Variants in CNTNAP2 observed in about 807,000 individuals in gnomAD.
The protein encoded by CNTNAP2 is contactin associated protein 2, also known as contactin-associated protein-like 2.
In CNTNAP2, 98 loss-of-function variants were observed where a neutral mutation model predicts 155.2. The ratio of observed to expected loss-of-function variants is 0.63; its 90% confidence interval spans 0.54 to 0.75. The LOEUF (loss-of-function observed/expected upper bound fraction) is 0.75. Ranked by LOEUF, CNTNAP2 falls within the 30% of genes least tolerant of loss-of-function variation. CNTNAP2 has a pLI of 0.00. For synonymous variants in CNTNAP2, 651 were observed against 631.2 expected (o/e 1.03, Z -0.47); for missense variants, 1,727 against 1,688.1 (o/e 1.02, Z -0.40).
intron 13 of CNTNAP2, among the ~76,000 whole-genome samples, chr7:147,715,242 T>C (rs982101583): frequency 3.9e-5 from 6 of 152,126 alleles, no homozygotes; most frequent in Admixed American, 1.3e-4. Flanking sequence ...ATTTTTATTT[T>C]AAAAGAAACT....
intron 8 of CNTNAP2, among the ~76,000 whole-genome samples, chr7:147,289,494 G>A (rs1805255577): frequency 6.6e-6 from 1 of 151,938 alleles, no homozygotes; most frequent in African/African-American, 2.4e-5. Flanking sequence ...AAGAAAGAAA[G>A]GAAAGAAGGA....
Position 147,403,102 on chromosome 7 carries a change from C to G in CNTNAP2, c.1670+7322C>G, listed in dbSNP as rs150480790. 4.4e-3 allele frequency among the ~76,000 whole-genome samples: 669 copies of G among 152,312 alleles called. 5 individuals are homozygous for G. Among genetic ancestry groups the G allele is most frequent in the African/African-American group, 0.015 (621 of 41,578 alleles). The stretch of plus-strand genomic sequence containing the variant: ...GAAGACTGCTACCTGGAGGCTTCAT[C>G]TGGATGATCAAAGTTGGGTCCCCAT... On this transcript the variant is annotated intron_variant, in intron 10 of 23. Coordinates refer to ENST00000361727, the MANE Select transcript of CNTNAP2 (RefSeq NM_014141.6).
intron 21 of CNTNAP2, among the ~76,000 whole-genome samples, chr7:148,329,414 T>C (rs1259377961): frequency 1.3e-5 from 2 of 152,116 alleles, no homozygotes; most frequent in Non-Finnish European, 2.9e-5. Context: ...CAGCCCCCTG[T>C]GGACAAGGCA....
intron 2 of CNTNAP2, among the ~76,000 whole-genome samples, chr7:146,804,399 G>T (rs1320930659): frequency 6.6e-6 from 1 of 152,036 alleles, no homozygotes; most frequent in African/African-American, 2.4e-5. Flanking sequence ...AATGTTTCTT[G>T]CTAAACTCTG....
At chr7:147,400,861 A>G (rs1292147642) in intron 10 of CNTNAP2, among the ~76,000 whole-genome samples, 2 of 152,238 alleles carry the variant, frequency 1.3e-5, no homozygotes, top group Non-Finnish European at 2.9e-5. Context: ...ACTATCACTT[A>G]TCTAAGTAAT....
rs78674459 is a variant in CNTNAP2, at chr7:146,615,143, C to A, written c.98-159128C>A. Among the ~76,000 whole-genome samples, 155 of 152,256 alleles carry A rather than the reference C, an allele frequency of 1.0e-3. 2 individuals are homozygous for A. In the East Asian group the frequency reaches 0.029, roughly 28 times the overall value. On this transcript the variant is annotated intron_variant, in intron 1 of 23. Coordinates refer to ENST00000361727, the MANE Select transcript of CNTNAP2 (RefSeq NM_014141.6). ...GTATCCTCTGCCTAGCTTACTTGAT[C>A]TCTTTTAGTCAGCACAGCTGTGTGC...
At chr7:147,712,356 G>A (rs1018500281) in intron 13 of CNTNAP2, among the ~76,000 whole-genome samples, 3 of 152,158 alleles carry the variant, frequency 2.0e-5, no homozygotes, top group Non-Finnish European at 2.9e-5. Flanking sequence ...CAAGGAGGTA[G>A]AACTAGAAAT....
intron 13 of CNTNAP2, among the ~76,000 whole-genome samples, chr7:147,758,933 C>T (rs533544836): frequency 6.6e-6 from 1 of 152,204 alleles, no homozygotes; most frequent in South Asian, 2.1e-4. Flanking sequence ...AAGAACAATG[C>T]TATTCTTTTT....
chr7:148,049,361 A>C (rs1802840315), intron 15 of CNTNAP2, among the ~76,000 whole-genome samples: 1 of 152,236 alleles, frequency 6.6e-6, no homozygotes, highest in African/African-American at 2.4e-5. Context: ...CTGTTGACCT[A>C]ATTAACATTA....
chr7:148,197,565 A>C (rs1015282806), intron 18 of CNTNAP2, among the ~76,000 whole-genome samples: 1 of 152,242 alleles, frequency 6.6e-6, no homozygotes, highest in African/African-American at 2.4e-5. Flanking sequence ...GAAATAAGGC[A>C]TTGGAGTTCA....
At chr7:146,357,291 T>G (rs1307192748) in intron 1 of CNTNAP2, among the ~76,000 whole-genome samples, 1 of 151,668 alleles carries the variant, frequency 6.6e-6, no homozygotes, top group African/African-American at 2.4e-5. Context: ...CTACGTCTCT[T>G]GCATGAGTCA....
chr7:148,364,414 A>C (rs1177939), intron 21 of CNTNAP2, among the ~76,000 whole-genome samples: 1 of 151,738 alleles, frequency 6.6e-6, no homozygotes, highest in Non-Finnish European at 1.5e-5. Context: ...GAGTGCACCA[A>C]TCGACACTCT....
chr7:147,619,914 A>T (rs10248268), intron 12 of CNTNAP2, among the ~76,000 whole-genome samples: 3 of 152,260 alleles, frequency 2.0e-5, no homozygotes, highest in African/African-American at 7.2e-5. Context: ...GACCCAGCAC[A>T]ATCCTAGTGG....
chr7:146,979,351 T>A, intron 3 of CNTNAP2, among the ~76,000 whole-genome samples: 1 of 152,174 alleles, frequency 6.6e-6, no homozygotes, highest in South Asian at 2.1e-4. Flanking sequence ...GTTTCCCTCT[T>A]CCTAGAATAC....
chr7:147,117,827 T>C (rs913918099), intron 5 of CNTNAP2, among the ~76,000 whole-genome samples: 1 of 152,154 alleles, frequency 6.6e-6, no homozygotes, highest in African/African-American at 2.4e-5. Context: ...ATAAAACTTT[T>C]CACATTAAAG....
intron 3 of CNTNAP2, among the ~76,000 whole-genome samples, chr7:146,935,150 A>C (rs1246144253): frequency 6.6e-6 from 1 of 152,190 alleles, no homozygotes; most frequent in Non-Finnish European, 1.5e-5. Context: ...CCTCAGAAGA[A>C]GATGGCATCC....
At chr7:147,336,728 C>G (rs1051061330) in intron 9 of CNTNAP2, among the ~76,000 whole-genome samples, 1 of 152,080 alleles carries the variant, frequency 6.6e-6, no homozygotes, top group African/African-American at 2.4e-5. Flanking sequence ...TTCCACTGTT[C>G]ACCTCTGAGT....
At chr7:146,869,902 C>T (rs1795272750) in intron 3 of CNTNAP2, among the ~76,000 whole-genome samples, 2 of 152,174 alleles carry the variant, frequency 1.3e-5, no homozygotes, top group African/African-American at 4.8e-5. Flanking sequence ...CTTCTGGTAA[C>T]ACTCAGAAAC....
At chr7:146,437,888 T>G (rs1052153934) in intron 1 of CNTNAP2, among the ~76,000 whole-genome samples, 1 of 151,406 alleles carries the variant, frequency 6.6e-6, no homozygotes, top group Non-Finnish European at 1.5e-5. Flanking sequence ...CTCGTTTTTT[T>G]TTTTGTTTGT....
Sources: allele counts gnomAD v4.1 joint callset (sites outside exome capture counted in the v4.1 genomes callset), GRCh38; gene constraint gnomAD v4.1.1; transcripts MANE v1.5; gene names NCBI Gene and HGNC (gene_info 2026-07-23, HGNC 2026-07-21).